The following SNX29 variants were observed in gnomAD, a reference collection of about 807,000 sequenced individuals.
SNX29 encodes sorting nexin 29.
SNX29 carries 78 observed loss-of-function variants against 102.1 expected under a neutral mutation model. The ratio of observed to expected loss-of-function variants is 0.76; its 90% CI spans 0.64 to 0.92. SNX29 has a LOEUF of 0.92. SNX29 is among the 40% of genes least tolerant of loss of function. The probability of loss-of-function intolerance (pLI) is 0.00; values close to 1 mark genes in which losing one functional copy is unlikely to be tolerated. For synonymous variants in SNX29, 580 were observed against 414.5 expected (o/e 1.40, Z -4.85); for missense variants, 1,280 against 1,061.7 (o/e 1.21, Z -2.86).
At chr16:12,002,900 C>T in intron 2 of SNX29, 91 bp from the exon 3 acceptor site, 1 of 1,465,220 alleles carries the variant, frequency 6.8e-7, no homozygotes, top group South Asian at 1.1e-5. Flanking sequence ...CGTGTCCCCT[C>T]CCTGACCCTT....
At chr16:12,555,988 GTTT>G (rs577174159) in intron 20 of SNX29, among the ~76,000 whole-genome samples, 6 of 151,836 alleles carry the variant, frequency 4.0e-5, no homozygotes, top group African/African-American at 9.7e-5. Flanking sequence ...ATTTTCAAGT[GTTT>G]TTTTTGTTCA....
intron 9 of SNX29, among the ~76,000 whole-genome samples, chr16:12,062,032 C>T (rs902852843): frequency 2.9e-4 from 44 of 152,154 alleles, no homozygotes; most frequent in African/African-American, 1.1e-3. Context: ...TCTGTAAAGG[C>T]CCTGCCACCC....
At chr16:12,441,345 C>G (rs1312345258) in intron 18 of SNX29, among the ~76,000 whole-genome samples, 1 of 152,132 alleles carries the variant, frequency 6.6e-6, no homozygotes, top group Non-Finnish European at 1.5e-5. Context: ...ACCTCGGCCT[C>G]CCAAAGTGCT....
At chr16:12,477,569 C>A (rs1166613703) in intron 18 of SNX29, 150 bp from the exon 19 acceptor site, 2 of 871,458 alleles carry the variant, frequency 2.3e-6, no homozygotes, top group Non-Finnish European at 3.5e-6. Context: ...CTAATAAATC[C>A]CTGCTCTATG....
chr16:12,563,962 G>A (rs1016376852), intron 20 of SNX29, among the ~76,000 whole-genome samples: 3 of 151,298 alleles, frequency 2.0e-5, no homozygotes, highest in African/African-American at 4.9e-5. Flanking sequence ...AGACGAGGAA[G>A]GGCTTTTCAG....
At chr16:12,548,692 T>C (rs2077766685) in intron 20 of SNX29, among the ~76,000 whole-genome samples, 1 of 152,220 alleles carries the variant, frequency 6.6e-6, no homozygotes, top group African/African-American at 2.4e-5. Flanking sequence ...CCCAGAGCAC[T>C]GCAGGGCATT....
At chr16:12,540,927 C>G (rs767418290) in intron 20 of SNX29, among the ~76,000 whole-genome samples, 1 of 152,224 alleles carries the variant, frequency 6.6e-6, no homozygotes, top group Non-Finnish European at 1.5e-5. Flanking sequence ...TGTTCACCCC[C>G]TGCCCACTTT....
At chr16:12,441,266 T>C (rs945867311) in intron 18 of SNX29, among the ~76,000 whole-genome samples, 8 of 151,974 alleles carry the variant, frequency 5.3e-5, no homozygotes, top group Admixed American at 1.3e-4. Context: ...TTTTTTTTAT[T>C]TTTGGTAGAG....
intron 11 of SNX29, chr16:12,081,300 G>C (rs1393929381): frequency 6.6e-6 from 1 of 152,216 alleles, no homozygotes; most frequent in East Asian, 1.9e-4. Flanking sequence ...CCAGAAGTGG[G>C]GTGATCAGCA....
chr16:12,198,015 T>C (rs2076820750), intron 13 of SNX29, among the ~76,000 whole-genome samples: 1 of 152,164 alleles, frequency 6.6e-6, no homozygotes, highest in Non-Finnish European at 1.5e-5. Context: ...GGCGTATCTA[T>C]AGTAGTGGGT....
chr16:12,154,829 T>G (rs1427373767), intron 13 of SNX29, among the ~76,000 whole-genome samples: 2 of 152,190 alleles, frequency 1.3e-5, no homozygotes, highest in Admixed American at 6.5e-5. Flanking sequence ...GGCTGCTCTC[T>G]GGGGCCTCTC....
At chr16:12,504,596 C>A (rs1461253630) in intron 19 of SNX29, among the ~76,000 whole-genome samples, 1 of 152,204 alleles carries the variant, frequency 6.6e-6, no homozygotes, top group Non-Finnish European at 1.5e-5. Flanking sequence ...CAAGGTTTTA[C>A]TTTCTGCAGT....
At chr16:12,565,743 C>T (rs73512031) in intron 20 of SNX29, among the ~76,000 whole-genome samples, 1,718 of 152,342 alleles carry the variant, frequency 0.011, 24 homozygotes, top group African/African-American at 0.038. Context: ...CACCCCCTCC[C>T]CATGGGCCTG....
intron 11 of SNX29, among the ~76,000 whole-genome samples, chr16:12,110,779 C>T (rs888938822): frequency 1.8e-4 from 28 of 152,064 alleles, no homozygotes; most frequent in African/African-American, 6.8e-4. Flanking sequence ...GTGTGGTGGC[C>T]TGAGGAAACA....
At position 12,571,741 on chromosome 16, in the gene SNX29, G is replaced by A. The variant is rs966210669; in HGVS notation, c.*3112G>A. ...GAGCTTAAAGGCTGCTAGAAACCTA[G>A]CCCAACCATCCACTCCTGATCTGAG... On this transcript the variant is annotated 3_prime_UTR_variant, in exon 21 of 21. Transcript: ENST00000566228. 4 of 1,033,828 alleles carry A rather than the reference G, an allele frequency of 3.9e-6. No homozygotes were observed. The highest frequency in any genetic ancestry group is 1.7e-5 in the African/African-American group (1 of 60,186). The allele number at this position is 1,033,828 out of a possible 1,614,324, so 64.0% of individuals were successfully genotyped here. A position where few individuals can be genotyped will look rare whatever the true frequency, so the allele number is the denominator to read the frequency against.
intron 20 of SNX29, among the ~76,000 whole-genome samples, chr16:12,552,532 C>T (rs1597959979): frequency 6.6e-6 from 1 of 152,194 alleles, no homozygotes; most frequent in Admixed American, 6.5e-5. Context: ...CTTCATTTCT[C>T]AGTGATGTCC....
intron 14 of SNX29, among the ~76,000 whole-genome samples, chr16:12,207,046 C>T (rs1315689797): frequency 1.3e-5 from 2 of 152,096 alleles, no homozygotes; most frequent in East Asian, 3.9e-4. Flanking sequence ...CAGAATTTGT[C>T]GCTTCATGTA....
intron 18 of SNX29, among the ~76,000 whole-genome samples, chr16:12,451,273 C>G (rs2086288473): frequency 6.6e-6 from 1 of 152,192 alleles, no homozygotes; most frequent in Non-Finnish European, 1.5e-5. Flanking sequence ...TGGAGATGCT[C>G]TGTAATAGAA....
chr16:12,152,078 A>T (rs2055325751), intron 13 of SNX29, among the ~76,000 whole-genome samples: 2 of 152,122 alleles, frequency 1.3e-5, no homozygotes, highest in Admixed American at 1.3e-4. Context: ...GAAATTAGCT[A>T]GGTGTGGTGG....
Sources: gnomAD v4.1 joint callset for allele counts (sites outside exome capture counted in the v4.1 genomes callset) on GRCh38, gnomAD v4.1.1 for gene constraint, MANE v1.5 for transcripts, NCBI Gene and HGNC (gene_info 2026-07-23, HGNC 2026-07-21) for gene names.